PPM1L: variants seen among roughly 807,000 people sequenced by gnomAD.
PPM1L encodes protein phosphatase, Mg2+/Mn2+ dependent 1L.
Under a neutral mutation model 31.4 loss-of-function variants are expected in PPM1L, and 13 were observed. The ratio of observed to expected loss-of-function variants is 0.41; its 90% CI spans 0.27 to 0.66. The LOEUF (loss-of-function observed/expected upper bound fraction) is 0.66, where lower values mean the gene tolerates loss of function less well. Among genes scored for constraint, PPM1L ranks in the 30% least tolerant of loss-of-function variants. PPM1L has a pLI of 0.29. For synonymous variants in PPM1L, 184 were observed against 175.4 expected (o/e 1.05, Z -0.39); for missense variants, 326 against 453.7 (o/e 0.72, Z 2.56).
chr3:160,993,726 T>A (rs1717213055), intron 2 of PPM1L, among the ~76,000 whole-genome samples: 1 of 152,072 alleles, frequency 6.6e-6, no homozygotes. Context: ...ATCTCTATAA[T>A]TCAAAAAGAG....
chr3:160,787,964 T>C (rs1231298672), intron 1 of PPM1L, among the ~76,000 whole-genome samples: 1 of 152,146 alleles, frequency 6.6e-6, no homozygotes, highest in East Asian at 1.9e-4. Flanking sequence ...TTCTGTTCCA[T>C]TGGTCTATGT....
At chr3:160,782,784 T>TG (rs1446633958) in intron 1 of PPM1L, among the ~76,000 whole-genome samples, 5 of 152,226 alleles carry the variant, frequency 3.3e-5, no homozygotes, top group African/African-American at 1.2e-4. Flanking sequence ...AAAAGAGTTC[T>TG]TTGTCATCCT....
At chr3:160,907,415 C>T (rs115099778) in intron 1 of PPM1L, among the ~76,000 whole-genome samples, 1,566 of 152,244 alleles carry the variant, frequency 0.01, 28 homozygotes, top group African/African-American at 0.036. Flanking sequence ...CTAAGAATAA[C>T]TATGCAATTT....
At chr3:160,864,406 G>C (rs1576677397) in intron 1 of PPM1L, among the ~76,000 whole-genome samples, 2 of 152,032 alleles carry the variant, frequency 1.3e-5, no homozygotes, top group Non-Finnish European at 2.9e-5. Context: ...CAAACACCTG[G>C]GCCCAAGCAG....
intron 1 of PPM1L, among the ~76,000 whole-genome samples, chr3:160,895,574 A>G (rs1713309926): frequency 6.6e-6 from 1 of 152,126 alleles, no homozygotes; most frequent in African/African-American, 2.4e-5. Context: ...TTCATGATAG[A>G]TAGAATGGGA....
In PPM1L at chr3:160,877,243, A is replaced by T. The variant is rs1712545088; in HGVS notation, c.400-84493A>T. ...ATCAAAAATCTTTTTGAATAGCTTG[A>T]TTTCCTGCAGAGAACCAGGCTGGAG... On this transcript the variant is annotated intron_variant, in intron 1 of 3. Coordinates refer to ENST00000498165, the MANE Select transcript of PPM1L (RefSeq NM_139245.4). 2.0e-5 allele frequency among the ~76,000 whole-genome samples: 3 copies of T among 152,176 alleles called. No homozygotes were observed. The South Asian group carries it at 6.2e-4, about 32-fold the overall frequency.
chr3:160,970,205 G>C (rs184924247), intron 2 of PPM1L, among the ~76,000 whole-genome samples: 4 of 152,138 alleles, frequency 2.6e-5, no homozygotes, highest in African/African-American at 9.6e-5. Flanking sequence ...TAGAATCCCA[G>C]AATTTGGTGG....
At chr3:160,813,439 A>G (rs921756109) in intron 1 of PPM1L, among the ~76,000 whole-genome samples, 4 of 152,114 alleles carry the variant, frequency 2.6e-5, no homozygotes, top group Non-Finnish European at 5.9e-5. Context: ...TCCTGGGTTG[A>G]AGTGATTCTT....
At position 161,069,347 on chromosome 3, in the gene PPM1L, C is replaced by G. The variant is rs1391908885; in HGVS notation, c.*190C>G. On this transcript the variant is annotated 3_prime_UTR_variant, in exon 4 of 4. Transcript: ENST00000498165. The stretch of plus-strand genomic sequence containing the variant: ...GCCCTTGGCCAATGTAGTTAAGAAA[C>G]TGGAAAATGGTTTCTTCATGTTTTC... 9 of 578,828 alleles carry G rather than the reference C, an allele frequency of 1.6e-5. No homozygotes were observed. The East Asian group carries it at 2.6e-4, about 17-fold the overall frequency. The allele number at this position is 578,828 out of a possible 1,614,324, so 35.9% of individuals were successfully genotyped here. A position where few individuals can be genotyped will look rare whatever the true frequency, so the allele number is the denominator to read the frequency against.
chr3:160,876,080 C>G (rs1021979030), intron 1 of PPM1L, among the ~76,000 whole-genome samples: 1 of 152,138 alleles, frequency 6.6e-6, no homozygotes, highest in African/African-American at 2.4e-5. Flanking sequence ...ATCTTGATGA[C>G]CTTGGTGGAA....
rs201956525 is a variant in PPM1L at position 161,065,378 on chromosome 3, G to A, written c.575-25G>A. The A allele has an allele frequency of 4.7e-5, 75 of 1,609,968 alleles. No homozygotes were observed. The Middle Eastern group carries it at 1.0e-3, about 21-fold the overall frequency. On this transcript the variant is annotated intron_variant, in intron 2 of 3. Transcript: ENST00000498165. ...CCTGAATGCACTGCTGACCTCCCGC[G>A]TTCTCTCTCTCTTCTATTTTTCAGG...
At chr3:160,885,125 C>A (rs1309883694) in intron 1 of PPM1L, among the ~76,000 whole-genome samples, 1 of 152,200 alleles carries the variant, frequency 6.6e-6, no homozygotes, top group Non-Finnish European at 1.5e-5. Flanking sequence ...GTACCTCTCA[C>A]TCCCTATCTC....
rs151085686 is a variant in PPM1L, at chr3:160,943,790, G to T, written c.400-17946G>T. ...ATTGCCTGAATGTGGACATAGATTT[G>T]TGTTAGAAAAGAAAGCTTGGTTTGT... On this transcript the variant is annotated intron_variant, in intron 1 of 3. Transcript: ENST00000498165. Among the ~76,000 whole-genome samples the T allele has an allele frequency of 3.3e-3, 500 of 152,224 alleles. 1 individual carries two copies. The highest frequency in any genetic ancestry group is 0.012 in the African/African-American group (479 of 41,542).
intron 1 of PPM1L, among the ~76,000 whole-genome samples, chr3:160,903,624 T>G (rs1713639642): frequency 6.6e-6 from 1 of 152,092 alleles, no homozygotes; most frequent in South Asian, 2.1e-4. Context: ...TTTTTAAAGA[T>G]GGTATTTTCT....
intron 2 of PPM1L, among the ~76,000 whole-genome samples, chr3:160,977,087 T>G (rs1716614281): frequency 6.6e-6 from 1 of 152,232 alleles, no homozygotes; most frequent in Non-Finnish European, 1.5e-5. Context: ...TTGTTCTCGT[T>G]GGTTTCAAAG....
chr3:160,824,325 C>T (rs2108092999), intron 1 of PPM1L, among the ~76,000 whole-genome samples: 1 of 152,234 alleles, frequency 6.6e-6, no homozygotes, highest in South Asian at 2.1e-4. Flanking sequence ...GCCACTAGAA[C>T]TATGAGAAAT....
At position 160,763,455 on chromosome 3, in the gene PPM1L, A is replaced by G. The variant is rs912973589; in HGVS notation, c.399+6748A>G. 3.3e-5 allele frequency among the ~76,000 whole-genome samples: 5 copies of G among 152,240 alleles called. No homozygotes were observed. The East Asian group carries it at 9.6e-4, about 29-fold the overall frequency. ...TTAAAAAAATAAATAATTCACAACT[A>G]AGGTACTTGAACCATTATGGATAAC... On this transcript the variant is annotated intron_variant, in intron 1 of 3. Coordinates refer to ENST00000498165, the MANE Select transcript of PPM1L (RefSeq NM_139245.4).
intron 2 of PPM1L, among the ~76,000 whole-genome samples, chr3:161,030,288 G>A (rs866283074): frequency 6.6e-5 from 10 of 152,052 alleles, no homozygotes; most frequent in Non-Finnish European, 8.8e-5. Context: ...TTATGTCTTC[G>A]CCATGTAAGG....
At chr3:160,832,067 G>C (rs1217771816) in intron 1 of PPM1L, among the ~76,000 whole-genome samples, 2 of 152,176 alleles carry the variant, frequency 1.3e-5, no homozygotes, top group Non-Finnish European at 2.9e-5. Flanking sequence ...CCATCTACGT[G>C]GTAGGCTTAG....
Sources: allele counts gnomAD v4.1 joint callset (sites outside exome capture counted in the v4.1 genomes callset), GRCh38; gene constraint gnomAD v4.1.1; transcripts MANE v1.5; gene names NCBI Gene and HGNC (gene_info 2026-07-23, HGNC 2026-07-21).